EBP: variants seen among roughly 807,000 people sequenced by gnomAD.
EBP encodes EBP cholestenol delta-isomerase.
In EBP, 1 loss-of-function variant was observed where a neutral mutation model predicts 14.1. That is an observed-to-expected ratio of 0.07 (90% CI 0.03 to 0.34). EBP has a LOEUF of 0.34. Ranked by LOEUF, EBP falls within the 10% of genes least tolerant of loss-of-function variation. The probability of loss-of-function intolerance (pLI) is 0.99; values close to 1 mark genes in which losing one functional copy is unlikely to be tolerated. For missense variants in EBP, 123 were observed against 184.6 expected (o/e 0.67, Z 1.93); for synonymous variants, 72 against 77.7 (o/e 0.93, Z 0.38).
intron 2 of EBP, among the ~76,000 whole-genome samples, chrX:48,525,351 T>G (rs1171910055): frequency 9.0e-6 from 1 of 111,554 alleles, no homozygotes; most frequent in African/African-American, 3.3e-5. Context: ...CTTTCTTTCC[T>G]TACAAGAAAA....
chrX:48,527,150 T>G lies in EBP; in HGVS notation c.339-5T>G, dbSNP rs2061781785. 8.3e-7 allele frequency: 1 copy of G among 1,210,208 alleles called. No homozygotes were observed. Among genetic ancestry groups the G allele is most frequent in the Non-Finnish European group, 1.1e-6 (1 of 895,268 alleles). ...ACCAGTGTCCCCTCATGCTTTCTCCTGCAGGGGTGACAACTTCACAGTGTG... is the reference window on the plus strand; with the variant it reads ...ACCAGTGTCCCCTCATGCTTTCTCCGGCAGGGGTGACAACTTCACAGTGTG... On this transcript the variant is annotated splice_region_variant and splice_polypyrimidine_tract_variant and intron_variant, in intron 3 of 4. Transcript: ENST00000495186.
chrX:48,528,150 C>A, intron 4 of EBP, 84 bp from the exon 5 acceptor site: 2 of 821,038 alleles, frequency 2.4e-6, no homozygotes, highest in Non-Finnish European at 1.8e-6. Context: ...TGAATGATGA[C>A]TTGGAAAGTG....
chrX:48,524,989 C>G (rs1384248310), intron 2 of EBP, among the ~76,000 whole-genome samples: 1 of 111,955 alleles, frequency 8.9e-6, no homozygotes, highest in African/African-American at 3.2e-5. Context: ...ACCACCGTGC[C>G]CAGCCTTATT....
chrX:48,527,374 C>G (rs1461877944), intron 4 of EBP, 89 bp downstream of exon 4: 1 of 1,177,987 alleles, frequency 8.5e-7, no homozygotes, highest in Middle Eastern at 3.3e-4. Context: ...GGTGGGATCT[C>G]TCAACGGTGC....
In EBP at chrX:48,528,588, C is replaced by A. The variant is rs2061786044; in HGVS notation, c.*131C>A. 1 of 617,788 alleles carries A rather than the reference C, an allele frequency of 1.6e-6. No homozygotes were observed. The highest frequency in any genetic ancestry group is 2.2e-5 in the African/African-American group (1 of 44,933). The allele number at this position is 617,788 out of a possible 1,213,427, so 50.9% of individuals were successfully genotyped here. Reference sequence around the variant, plus strand: ...TCACACTCAGGCTCATGGGCAGGCACAAGAAGGGGAATAAAGGGGCTGTGT... The same window carrying A: ...TCACACTCAGGCTCATGGGCAGGCAAAAGAAGGGGAATAAAGGGGCTGTGT... On this transcript the variant is annotated 3_prime_UTR_variant, in exon 5 of 5. Transcript: ENST00000495186.
Position 48,527,059 on chromosome X carries a change from T to C in EBP, c.338+34T>C, listed in dbSNP as rs1478380051. The stretch of plus-strand genomic sequence containing the variant: ...TTGCCTCTGTCAATGGAGACTGGCA[T>C]TGGTTTTCGGGGGGTGGTGAGTTGG... On this transcript the variant is annotated intron_variant, in intron 3 of 4. Transcript: ENST00000495186. 5.2e-5 allele frequency: 63 copies of C among 1,209,512 alleles called. No individual in the cohort carries two copies. The Admixed American group carries it at 1.4e-3, about 26-fold the overall frequency.
intron 2 of EBP, among the ~76,000 whole-genome samples, chrX:48,525,659 A>G (rs1018961945): frequency 2.7e-5 from 3 of 109,416 alleles, no homozygotes; most frequent in Admixed American, 2.0e-4. Context: ...GATTACAAGC[A>G]TGAGCCACCG....
rs1324546907 is a variant in EBP, at chrX:48,524,556, G to A, written c.301+484G>A. The A allele has an allele frequency of 4.3e-5, 5 of 116,722 alleles. No individual in the cohort carries two copies. In the East Asian group the frequency reaches 1.1e-3, roughly 25 times the overall value. 9.6% of individuals were successfully genotyped at this position (116,722 alleles called of 1,213,427 possible). A position where few individuals can be genotyped will look rare whatever the true frequency, so the allele number is the denominator to read the frequency against. On this transcript the variant is annotated intron_variant, in intron 2 of 4. Transcript: ENST00000495186. ...CAGGAGAATTGCTTGAACCTGGGAG[G>A]CGGAGGTTGCAGTGAGCCAAGACCA... is the stretch of plus-strand genomic sequence containing the variant.
chrX:48,523,614 A>T (rs191000210), intron 1 of EBP, 85 bp from the exon 2 acceptor site: 1 of 558,820 alleles, frequency 1.8e-6, no homozygotes, highest in African/African-American at 2.4e-5. Context: ...GTTAACTGGT[A>T]AATTCGGTCC....
At chrX:48,525,197 C>A (rs1437897086) in intron 2 of EBP, among the ~76,000 whole-genome samples, 2 of 112,220 alleles carry the variant, frequency 1.8e-5, no homozygotes, top group Non-Finnish European at 3.8e-5. Context: ...ATAGTAATAA[C>A]CAACTATATG....
chrX:48,526,342 CTTT>C (rs143091554), intron 2 of EBP, among the ~76,000 whole-genome samples: 3 of 89,113 alleles, frequency 3.4e-5, no homozygotes, highest in Non-Finnish European at 4.4e-5. Context: ...TTCTTTCTTT[CTTT>C]TTTTTTTTTT....
chrX:48,526,973 C>T lies in EBP; in HGVS notation c.302-16C>T, dbSNP rs781809162. 5 of 1,210,932 alleles carry T rather than the reference C, an allele frequency of 4.1e-6. No individual in the cohort carries two copies. The South Asian group carries it at 8.8e-5, about 21-fold the overall frequency. ...CACTGCCTTTATTCTTCATATCTCT[C>T]TCTTCTTTTCTTCAGGGAAAGAGTA... On this transcript the variant is annotated splice_polypyrimidine_tract_variant and intron_variant, in intron 2 of 4. Transcript: ENST00000495186.
At chrX:48,522,965 G>T (rs782316292) in intron 1 of EBP, among the ~76,000 whole-genome samples, 1 of 107,523 alleles carries the variant, frequency 9.3e-6, no homozygotes, top group East Asian at 3.1e-4. Flanking sequence ...GAGCCACCGC[G>T]CCCGGCCTTC....
intron 2 of EBP, among the ~76,000 whole-genome samples, chrX:48,526,493 G>A (rs2061779715): frequency 9.1e-6 from 1 of 110,429 alleles, no homozygotes; most frequent in Admixed American, 9.7e-5. Flanking sequence ...ACCACGTCCA[G>A]CTAATTTTTG....
rs1044668597 is a variant in EBP, at chrX:48,525,389, C to T, written c.301+1317C>T. Among the ~76,000 whole-genome samples, 14 of 110,930 alleles carry T rather than the reference C, an allele frequency of 1.3e-4. 1 individual carries two copies. The highest frequency in any genetic ancestry group is 2.9e-4 in the Admixed American group (3 of 10,421). On this transcript the variant is annotated intron_variant, in intron 2 of 4. Transcript: ENST00000495186. Reference sequence around the variant, plus strand: ...AAAGAAGCCATTTTCTTTTTTGAGACGGGGTCTCGCTCTGTCACCCAGGCT... The same window carrying T: ...AAAGAAGCCATTTTCTTTTTTGAGATGGGGTCTCGCTCTGTCACCCAGGCT...
chrX:48,523,333 T>TCA (rs2061768950), intron 1 of EBP, among the ~76,000 whole-genome samples: 2 of 110,698 alleles, frequency 1.8e-5, no homozygotes. Context: ...GGCGGGCGGA[T>TCA]CGTGAGGTCA....
chrX:48,522,041 C>G (rs1396479712), intron 1 of EBP, 134 bp downstream of exon 1: 3 of 110,151 alleles, frequency 2.7e-5, no homozygotes, highest in African/African-American at 1.0e-4. Context: ...GCGAGACCCC[C>G]AGCTACCGCA....
chrX:48,527,515 G>T, intron 4 of EBP: 1 of 502,639 alleles, frequency 2.0e-6, no homozygotes, highest in Non-Finnish European at 3.2e-6. Context: ...CCATCACAAA[G>T]TCTCCTGTGA....
At chrX:48,524,215 G>A (rs781820852) in intron 2 of EBP, 143 bp downstream of exon 2, 34 of 610,258 alleles carry the variant, frequency 5.6e-5, no homozygotes, top group Non-Finnish European at 7.1e-5. Flanking sequence ...ATTATAGGCC[G>A]GGCACAGTGG....
Sources: gnomAD v4.1 joint callset for allele counts (sites outside exome capture counted in the v4.1 genomes callset) on GRCh38, gnomAD v4.1.1 for gene constraint, MANE v1.5 for transcripts, NCBI Gene and HGNC (gene_info 2026-07-23, HGNC 2026-07-21) for gene names.